EVI5: variants seen among roughly 807,000 people sequenced by gnomAD.
The protein encoded by EVI5 is ecotropic viral integration site 5 protein homolog.
A neutral mutation model predicts 112.0 loss-of-function variants in EVI5; 73 were observed. The ratio of observed to expected loss-of-function variants is 0.65; its 90% CI spans 0.54 to 0.79. EVI5 has a LOEUF of 0.79. EVI5 is among the 30% of genes least tolerant of loss of function. The pLI is 0.00. For synonymous variants in EVI5, 305 were observed against 319.9 expected, an observed-to-expected ratio of 0.95 and a Z score of 0.50; for missense variants, 900 against 968.8, an observed-to-expected ratio of 0.93 and a Z score of 0.94.
intron 8 of EVI5, 28 bp downstream of exon 8, chr1:92,694,271 A>C: frequency 1.4e-6 from 2 of 1,425,200 alleles, no homozygotes; most frequent in Non-Finnish European, 1.9e-6. Flanking sequence ...TCTCAAAAAA[A>C]AAAAAAGAAA....
intron 10 of EVI5, among the ~76,000 whole-genome samples, chr1:92,673,622 G>A (rs866522452): frequency 7.2e-5 from 11 of 152,012 alleles, no homozygotes; most frequent in South Asian, 4.1e-4. Context: ...GTGAGCCACC[G>A]CGCCCGGCCA....
chr1:92,555,784 A>C (rs1473141522), intron 19 of EVI5, among the ~76,000 whole-genome samples: 2 of 140,460 alleles, frequency 1.4e-5, no homozygotes, highest in Non-Finnish European at 3.0e-5. Context: ...CAGGAGGTGG[A>C]GGTTGCAGTG....
upstream of EVI5, among the ~76,000 whole-genome samples, chr1:92,787,242 C>T (rs1200566737): frequency 6.6e-6 from 1 of 152,054 alleles, no homozygotes; most frequent in Non-Finnish European, 1.5e-5. Flanking sequence ...AAAATGTCAC[C>T]ATCTGACATT....
chr1:92,744,602 A>T (rs1253100520), intron 1 of EVI5, among the ~76,000 whole-genome samples: 6 of 20,890 alleles, frequency 2.9e-4, no homozygotes, highest in African/African-American at 1.1e-3. Context: ...TCTCTCTCTC[A>T]CACACACACA....
At chr1:92,584,710 A>G (rs1405960396) in intron 18 of EVI5, among the ~76,000 whole-genome samples, 1 of 152,264 alleles carries the variant, frequency 6.6e-6, no homozygotes, top group African/African-American at 2.4e-5. Flanking sequence ...CCTGTAATTT[A>G]AAGTCATGGA....
Position 92,704,698 on chromosome 1 carries a change from T to C in EVI5, c.196A>G (p.Arg66Gly), listed in dbSNP as rs1274947986. The C allele has an allele frequency of 2.5e-6, 4 of 1,598,408 alleles. No individual in the cohort carries two copies. Among genetic ancestry groups the C allele is most frequent in the Non-Finnish European group, 8.5e-7 (1 of 1,171,006 alleles). Reference sequence around the variant, plus strand: ...ACAAGAGAAGAGCCACTGTTTCTTCTTGACCCATTTACAGATCTTAAAGAC... The same window carrying C: ...ACAAGAGAAGAGCCACTGTTTCTTCCTGACCCATTTACAGATCTTAAAGAC... ...SKSLRSVNGS[R>G]RNSGSSLVSS... The change falls in exon 3 of 20, where the codon AGA (arginine) becomes GGA (glycine). Residue 66 changes from arginine to glycine, a missense_variant. By Grantham distance (125) the Arg-to-Gly change is moderately radical. Transcript: ENST00000684568.
intron 19 of EVI5, among the ~76,000 whole-genome samples, chr1:92,552,885 CCT>C (rs1486737227): frequency 6.6e-6 from 1 of 151,708 alleles, no homozygotes; most frequent in African/African-American, 2.4e-5. Context: ...GCATCTTACC[CCT>C]CTCCTACTAG....
At chr1:92,584,132 T>C (rs1672403165) in intron 18 of EVI5, among the ~76,000 whole-genome samples, 1 of 152,128 alleles carries the variant, frequency 6.6e-6, no homozygotes, top group Admixed American at 6.5e-5. Context: ...TACCCACAGA[T>C]GAAAAATCTA....
At chr1:92,665,159 T>C (rs1352333291) in intron 11 of EVI5, among the ~76,000 whole-genome samples, 1 of 151,960 alleles carries the variant, frequency 6.6e-6, no homozygotes, top group Admixed American at 6.6e-5. Context: ...GAGCCAAGAT[T>C]GAGCCACTGC....
intron 16 of EVI5, among the ~76,000 whole-genome samples, chr1:92,609,604 C>T (rs571967040): frequency 2.0e-5 from 3 of 152,090 alleles, no homozygotes; most frequent in Non-Finnish European, 2.9e-5. Context: ...GTAATCCGCC[C>T]GCCTCAGCCT....
intron 18 of EVI5, among the ~76,000 whole-genome samples, chr1:92,593,377 T>C (rs962221539): frequency 5.2e-4 from 79 of 152,166 alleles, no homozygotes; most frequent in African/African-American, 1.8e-3. Flanking sequence ...CAACCCTTCA[T>C]GCTAAAAACT....
At chr1:92,723,931 G>A (rs1291496018) in intron 2 of EVI5, among the ~76,000 whole-genome samples, 2 of 152,128 alleles carry the variant, frequency 1.3e-5, no homozygotes, top group African/African-American at 4.8e-5. Flanking sequence ...AATACGCCCT[G>A]GTCTCCTGCA....
At chr1:92,658,857 A>T (rs1663479510) in intron 13 of EVI5, among the ~76,000 whole-genome samples, 1 of 152,188 alleles carries the variant, frequency 6.6e-6, no homozygotes, top group African/African-American at 2.4e-5. Context: ...TAACCAAGAC[A>T]GCATGGTACT....
rs200608868 is a variant in EVI5 at position 92,582,564 on chromosome 1, G to GA, written c.2071-18828dup. The stretch of plus-strand genomic sequence containing the variant: ...GTAGGAATGAAAGAGCTTGATTCAA[G>GA]AAAAAAAAAGGAGGTGAGTAGTTGC... On this transcript the variant is annotated intron_variant, in intron 18 of 19. Coordinates refer to ENST00000684568, the MANE Select transcript of EVI5 (RefSeq NM_001350197.2). Among the ~76,000 whole-genome samples the GA allele has an allele frequency of 6.7e-5, 10 of 150,060 alleles. No homozygotes were observed. In the East Asian group the frequency reaches 1.2e-3, roughly 18 times the overall value.
intron 19 of EVI5, among the ~76,000 whole-genome samples, chr1:92,547,192 A>T (rs899110977): frequency 6.6e-6 from 1 of 152,122 alleles, no homozygotes. Flanking sequence ...GGATTAAGAA[A>T]CTCACTCAAA....
intron 18 of EVI5, among the ~76,000 whole-genome samples, chr1:92,578,611 G>A (rs1420168817): frequency 1.3e-5 from 2 of 151,770 alleles, no homozygotes; most frequent in East Asian, 1.9e-4. Flanking sequence ...CCAGCTACTC[G>A]GGAGGCTGAG....
intron 10 of EVI5, among the ~76,000 whole-genome samples, chr1:92,667,240 C>A (rs1166409562): frequency 6.6e-6 from 1 of 152,100 alleles, no homozygotes; most frequent in East Asian, 1.9e-4. Context: ...GCCAGTATCA[C>A]ATCACAGCAT....
chr1:92,537,215 T>C (rs982685194), intron 19 of EVI5, among the ~76,000 whole-genome samples: 1 of 152,184 alleles, frequency 6.6e-6, no homozygotes, highest in African/African-American at 2.4e-5. Context: ...AAGTGAATCA[T>C]GTGACACCAA....
chr1:92,738,296 T>C (rs1459952541), intron 1 of EVI5, among the ~76,000 whole-genome samples: 1 of 152,120 alleles, frequency 6.6e-6, no homozygotes, highest in Non-Finnish European at 1.5e-5. Context: ...ATGGCACAAA[T>C]TCGCATCCCC....
Sources: gnomAD v4.1 joint callset for allele counts (sites outside exome capture counted in the v4.1 genomes callset) on GRCh38, gnomAD v4.1.1 for gene constraint, MANE v1.5 for transcripts, NCBI Gene and HGNC (gene_info 2026-07-23, HGNC 2026-07-21) for gene names.